Variants in EIF3G observed in about 807,000 individuals in gnomAD.
EIF3G encodes the protein eukaryotic translation initiation factor 3 subunit G.
A neutral mutation model predicts 41.7 loss-of-function variants in EIF3G; 10 were observed. The ratio of observed to expected loss-of-function variants is 0.24; its 90% CI spans 0.15 to 0.41. The LOEUF (loss-of-function observed/expected upper bound fraction) is 0.41. Ranked by LOEUF, EIF3G falls within the 10% of genes least tolerant of loss-of-function variation. The pLI is 1.00. For missense variants in EIF3G, 297 were observed against 444.0 expected (o/e 0.67, Z 2.98); for synonymous variants, 204 against 172.5 (o/e 1.18, Z -1.43).
Position 10,116,458 on chromosome 19 carries a change from A to C in EIF3G, c.595+342T>G. The C allele has an allele frequency of 2.1e-6, 1 of 475,618 alleles. No homozygotes were observed. 29.5% of individuals were successfully genotyped at this position (475,618 alleles called of 1,614,324 possible). On this transcript the variant is annotated intron_variant, in intron 7 of 10. Transcript: ENST00000253108. This position sits in a 1 kb window ranked among gnomAD's most constrained non-coding sequence, Gnocchi z 4.1. Reference sequence around the variant, plus strand: ...CTCACACTCGCCACCAGCAAATCCCACCAAAGAATTCGGACGGTACAGCCA... The same window carrying C: ...CTCACACTCGCCACCAGCAAATCCCCCCAAAGAATTCGGACGGTACAGCCA...
At chr19:10,119,799 C>A (rs1253286241) in intron 1 of EIF3G, 41 bp downstream of exon 1, 3 of 1,614,120 alleles carry the variant, frequency 1.9e-6, no homozygotes, top group Non-Finnish European at 2.5e-6. Flanking sequence ...CCAGAGCACC[C>A]CAACCGCTTC....
Position 10,116,663 on chromosome 19 carries a change from A to G in EIF3G, c.595+137T>C, listed in dbSNP as rs147610695. Reference sequence around the variant, plus strand: ...CTCCCAACCATAGGAGGTACAGCCAATTAGGAAGGCACAGACGCCCCGAGG... The same window carrying G: ...CTCCCAACCATAGGAGGTACAGCCAGTTAGGAAGGCACAGACGCCCCGAGG... On this transcript the variant is annotated intron_variant, in intron 7 of 10. Transcript: ENST00000253108. The surrounding 1 kb of genome is among the most constrained non-coding windows in gnomAD (Gnocchi z 4.1). 8.1e-5 allele frequency: 70 copies of G among 869,438 alleles called. No homozygotes were observed. In the African/African-American group the frequency reaches 1.0e-3, roughly 13 times the overall value. 53.9% of individuals were successfully genotyped at this position (869,438 alleles called of 1,614,324 possible).
rs1050049016 is a variant in EIF3G, at chr19:10,115,962, CT to C, written c.703+4del. 2.5e-6 allele frequency: 4 copies of C among 1,612,688 alleles called. No homozygotes were observed. In the African/African-American group the frequency reaches 4.0e-5, roughly 16 times the overall value. On this transcript the variant is annotated splice_donor_region_variant and intron_variant, in intron 8 of 10. Transcript: ENST00000253108. ...CCACCAGCCTGGCGTCGGGGTGCCCCTCACCTCTGCGGTTGGGCTGCATGGA... is the reference window on the plus strand; with the variant it reads ...CCACCAGCCTGGCGTCGGGGTGCCCCCACCTCTGCGGTTGGGCTGCATGGA...
At chr19:10,119,486 C>A in intron 2 of EIF3G, 168 bp downstream of exon 2, 1 of 900,268 alleles carries the variant, frequency 1.1e-6, no homozygotes, top group Non-Finnish European at 1.8e-6. Context: ...GAAGAGGGAC[C>A]CGCCGGGGAA....
chr19:10,119,613 G>A (rs890371780), intron 2 of EIF3G, 41 bp downstream of exon 2: 2 of 1,554,604 alleles, frequency 1.3e-6, no homozygotes, highest in African/African-American at 2.7e-5. Context: ...CACACGGCTT[G>A]GGCCTGGCCG....
chr19:10,118,769 G>T, intron 4 of EIF3G, 42 bp from the exon 5 acceptor site: 1 of 1,612,346 alleles, frequency 6.2e-7, no homozygotes, highest in Non-Finnish European at 8.5e-7. Flanking sequence ...CTGGGACCAA[G>T]GGATCTCCTT....
At position 10,115,108 on chromosome 19, in the gene EIF3G, G is replaced by C. The variant is rs768710180; in HGVS notation, c.*6C>G. The C allele has an allele frequency of 6.2e-7, 1 of 1,614,066 alleles. No individual in the cohort carries two copies. Among genetic ancestry groups the C allele is most frequent in the Non-Finnish European group, 8.5e-7 (1 of 1,180,010 alleles). On this transcript the variant is annotated 3_prime_UTR_variant, in exon 11 of 11. Coordinates refer to ENST00000253108, the MANE Select transcript of EIF3G (RefSeq NM_003755.5). ...GTCCCGGACCGAGTACACAGTGGCA[G>C]CTGGCTTAGTTGGTGGACGGCCTGG...
rs17850344 is a variant in EIF3G, at chr19:10,115,732, G to A, written c.792C>T (p.Ser264=). ...CCTTAGCCAGGTAGATGCGGGAGAT[G>A]GAGCCGAAAGGCCGGAAGAGCTCCT... ...DLQELFRPFG[S]ISRIYLAKDK... The change falls in exon 9 of 11, where the codon TCC becomes TCT. Residue 264 remains serine, a synonymous_variant. Coordinates refer to ENST00000253108, the MANE Select transcript of EIF3G (RefSeq NM_003755.5). 6.2e-7 allele frequency: 1 copy of A among 1,614,210 alleles called. No homozygotes were observed. Among genetic ancestry groups the A allele is most frequent in the Non-Finnish European group, 8.5e-7 (1 of 1,180,036 alleles).
rs774060735 is a variant in EIF3G, at chr19:10,115,590, G to A, written c.841-5C>T. The A allele has an allele frequency of 6.8e-6, 11 of 1,612,666 alleles. No homozygotes were observed. In the South Asian group the frequency reaches 1.2e-4, roughly 18 times the overall value. ...GAAGCTGATGAAGGCAAAGCCCTGTGGAGGGGCGGGATGGGGTCGGGCACG... is the reference window on the plus strand; with the variant it reads ...GAAGCTGATGAAGGCAAAGCCCTGTAGAGGGGCGGGATGGGGTCGGGCACG... On this transcript the variant is annotated splice_polypyrimidine_tract_variant and splice_region_variant and intron_variant, in intron 9 of 10. Coordinates refer to ENST00000253108, the MANE Select transcript of EIF3G (RefSeq NM_003755.5).
intron 5 of EIF3G, 85 bp downstream of exon 5, chr19:10,118,582 AG>A (rs2089278535): frequency 1.2e-5 from 15 of 1,299,338 alleles, no homozygotes; most frequent in Admixed American, 2.0e-5. Flanking sequence ...AAAAAAAAAA[AG>A]AGTTAAGCCC....
Position 10,116,560 on chromosome 19 carries a change from CAG to C in EIF3G, c.595+238_595+239del. 1 of 533,462 alleles carries C rather than the reference CAG, an allele frequency of 1.9e-6. No individual in the cohort carries two copies. The highest frequency in any genetic ancestry group is 3.3e-6 in the Non-Finnish European group (1 of 300,258). The allele number at this position is 533,462 out of a possible 1,614,324, so 33.0% of individuals were successfully genotyped here. On this transcript the variant is annotated intron_variant, in intron 7 of 10. Coordinates refer to ENST00000253108, the MANE Select transcript of EIF3G (RefSeq NM_003755.5). This position sits in a 1 kb window ranked among gnomAD's most constrained non-coding sequence, Gnocchi z 4.1. ...TGGTCAGCACCCTGGGGCCGACAGACAGCAGCTCATCAGGACAGTCACAGGGC... is the reference window on the plus strand; with the variant it reads ...TGGTCAGCACCCTGGGGCCGACAGACCAGCTCATCAGGACAGTCACAGGGC...
intron 1 of EIF3G, 69 bp downstream of exon 1, chr19:10,119,771 C>G (rs2089290729): frequency 6.2e-7 from 1 of 1,613,880 alleles, no homozygotes. Context: ...TCGGCGTACC[C>G]AGGCCCCATA....
In EIF3G at chr19:10,116,201, A is replaced by T. The variant is rs1479052005; in HGVS notation, c.596-127T>A. 2.2e-6 allele frequency: 2 copies of T among 918,950 alleles called. No homozygotes were observed. Among genetic ancestry groups the T allele is most frequent in the Admixed American group, 5.3e-5 (2 of 38,002 alleles). 56.9% of individuals were successfully genotyped at this position (918,950 alleles called of 1,614,324 possible). On this transcript the variant is annotated intron_variant, in intron 7 of 10. Coordinates refer to ENST00000253108, the MANE Select transcript of EIF3G (RefSeq NM_003755.5). The surrounding 1 kb of genome is among the most constrained non-coding windows in gnomAD (Gnocchi z 4.1). Reference sequence around the variant, plus strand: ...ACTGTGTGCCAAACCACAGGCAGCCAGTTGGCCACGAGGACACCAAGGTGA... The same window carrying T: ...ACTGTGTGCCAAACCACAGGCAGCCTGTTGGCCACGAGGACACCAAGGTGA...
rs900979934 is a variant in EIF3G, at chr19:10,117,048, C to T, written c.405+36G>A. 3.7e-6 allele frequency: 6 copies of T among 1,607,472 alleles called. No homozygotes were observed. The South Asian group carries it at 6.6e-5, about 18-fold the overall frequency. ...GGCTAAGGCACCCCCTTTGCCCCAC[C>T]CCAGGATGCCAGCCCCACCTGATTG... On this transcript the variant is annotated intron_variant, in intron 6 of 10. Coordinates refer to ENST00000253108, the MANE Select transcript of EIF3G (RefSeq NM_003755.5).
In EIF3G at chr19:10,117,205, A is replaced by C; in HGVS notation, c.301-17T>G. 1.3e-6 allele frequency: 2 copies of C among 1,550,394 alleles called. No individual in the cohort carries two copies. The highest frequency in any genetic ancestry group is 1.8e-6 in the Non-Finnish European group (2 of 1,129,560). On this transcript the variant is annotated splice_polypyrimidine_tract_variant and intron_variant, in intron 5 of 10. Transcript: ENST00000253108. ...CTTCCAGTTCTGGGCTCAGGGAGGG[A>C]TGGGGGACAGTTGAGGGCAGGGGCA...
rs2089254652 is a variant in EIF3G at position 10,116,562 on chromosome 19, G to A, written c.595+238C>T. The A allele has an allele frequency of 1.9e-6, 1 of 533,248 alleles. No homozygotes were observed. Among genetic ancestry groups the A allele is most frequent in the Non-Finnish European group, 3.3e-6 (1 of 300,178 alleles). 33.0% of individuals were successfully genotyped at this position (533,248 alleles called of 1,614,324 possible). Reference sequence around the variant, plus strand: ...GTCAGCACCCTGGGGCCGACAGACAGCAGCTCATCAGGACAGTCACAGGGC... The same window carrying A: ...GTCAGCACCCTGGGGCCGACAGACAACAGCTCATCAGGACAGTCACAGGGC... On this transcript the variant is annotated intron_variant, in intron 7 of 10. Transcript: ENST00000253108. The surrounding 1 kb of genome is among the most constrained non-coding windows in gnomAD (Gnocchi z 4.1).
rs761323264 is a variant in EIF3G, at chr19:10,115,750, G to A, written c.774C>T (p.Leu258=). The A allele has an allele frequency of 9.9e-6, 16 of 1,614,202 alleles. No individual in the cohort carries two copies. Among genetic ancestry groups the A allele is most frequent in the Admixed American group, 1.7e-5 (1 of 60,026 alleles). Residue 258 remains leucine, a synonymous_variant, in exon 9 of 11, where the codon CTC becomes CTT. Transcript: ENST00000253108. The stretch of plus-strand genomic sequence containing the variant: ...GGGAGATGGAGCCGAAAGGCCGGAA[G>A]AGCTCCTGCAGGTCGGTCTCACGCG... ...EDTRETDLQE[L]FRPFGSISRI...
At position 10,115,093 on chromosome 19, in the gene EIF3G, G is replaced by A. The variant is rs771210332; in HGVS notation, c.*21C>T. On this transcript the variant is annotated 3_prime_UTR_variant, in exon 11 of 11. Transcript: ENST00000253108. ...CTTCTGTCGCCAAGGGTCCCGGACCGAGTACACAGTGGCAGCTGGCTTAGT... is the reference window on the plus strand; with the variant it reads ...CTTCTGTCGCCAAGGGTCCCGGACCAAGTACACAGTGGCAGCTGGCTTAGT... 52 of 1,613,884 alleles carry A rather than the reference G, an allele frequency of 3.2e-5. 1 individual carries two copies. The highest frequency in any genetic ancestry group is 4.2e-5 in the Non-Finnish European group (50 of 1,180,012).
At position 10,116,062 on chromosome 19, in the gene EIF3G, A is replaced by C; in HGVS notation, c.608T>G (p.Val203Gly). Residue 203 changes from valine to glycine, a missense_variant, in exon 8 of 11, where the codon GTG (valine) becomes GGG (glycine). Physicochemically the swap from Val to Gly is moderately radical, Grantham distance 109 (BLOSUM62 -3). Transcript: ENST00000253108. The surrounding 1 kb of genome is among the most constrained non-coding windows in gnomAD (Gnocchi z 4.1). ...KEKLPGELEP[V>G]QATQNKTGKY... ...CCCTGTCTTGTTCTGCGTGGCCTGC[A>C]CCGGCTCTAGCTCTGGGGACCAAAA... is the stretch of plus-strand genomic sequence containing the variant. 1 of 1,613,884 alleles carries C rather than the reference A, an allele frequency of 6.2e-7. No individual in the cohort carries two copies. The highest frequency in any genetic ancestry group is 1.1e-5 in the South Asian group (1 of 91,050).
Sources: gnomAD v4.1 joint callset for allele counts on GRCh38, gnomAD v4.1.1 for gene constraint, Gnocchi (gnomAD v3.1) non-coding constraint, MANE v1.5 for transcripts, NCBI Gene and HGNC (gene_info 2026-07-23, HGNC 2026-07-21) for gene names.